PARP1: variants seen among roughly 807,000 people sequenced by gnomAD.
PARP1 encodes poly [ADP-ribose] polymerase 1.
A neutral mutation model predicts 118.7 loss-of-function variants in PARP1; 44 were observed. The observed-to-expected ratio is 0.37, with a 90% CI of 0.29 to 0.48. The LOEUF is 0.48. Among genes scored for constraint, PARP1 ranks in the 20% least tolerant of loss-of-function variants. The probability of loss-of-function intolerance (pLI) is 0.99; values close to 1 mark genes in which losing one functional copy is unlikely to be tolerated. For missense variants in PARP1, 1,100 were observed against 1,272.4 expected (o/e 0.86, Z 2.06); for synonymous variants, 492 against 483.2 (o/e 1.02, Z -0.24).
chr1:226,393,921 T>C (rs968931002), intron 2 of PARP1, among the ~76,000 whole-genome samples: 2 of 152,156 alleles, frequency 1.3e-5, no homozygotes, highest in Admixed American at 1.3e-4. Flanking sequence ...ACACAAACGT[T>C]AGTGAAAGAT....
At chr1:226,399,384 C>A (rs1401091052) in intron 2 of PARP1, among the ~76,000 whole-genome samples, 1 of 152,080 alleles carries the variant, frequency 6.6e-6, no homozygotes, top group Non-Finnish European at 1.5e-5. Context: ...ATGGAGGAAT[C>A]TTAAGAGCAC....
chr1:226,392,134 G>T, intron 3 of PARP1, 65 bp downstream of exon 3: 1 of 1,074,306 alleles, frequency 9.3e-7, no homozygotes. Flanking sequence ...TTTCTCTTGA[G>T]ATAGCCAATA....
In PARP1 at chr1:226,380,167, G is replaced by A. The variant is rs762301245; in HGVS notation, c.1301-3C>T. 6.2e-7 allele frequency: 1 copy of A among 1,613,770 alleles called. No homozygotes were observed. The highest frequency in any genetic ancestry group is 1.1e-5 in the South Asian group (1 of 91,056). ...CTTATTCATCTTTTCCACCTCCTCT[G>A]TTCAAATTGAAAGGAAAAAAAACCA... On this transcript the variant is annotated splice_polypyrimidine_tract_variant and splice_region_variant and intron_variant, in intron 9 of 22. Transcript: ENST00000366794.
intron 3 of PARP1, among the ~76,000 whole-genome samples, chr1:226,391,309 CTT>C (rs964116892): frequency 6.6e-5 from 10 of 152,104 alleles, no homozygotes; most frequent in African/African-American, 2.2e-4. Context: ...TCCTTAGTCT[CTT>C]TACAGATGAC....
At chr1:226,382,977 A>G (rs532441146) in intron 8 of PARP1, 59 bp downstream of exon 8, 1 of 1,562,642 alleles carries the variant, frequency 6.4e-7, no homozygotes, top group Admixed American at 1.7e-5. Flanking sequence ...ACCACCAGCA[A>G]GTAGTGGGCA....
At chr1:226,395,377 T>A (rs944590723) in intron 2 of PARP1, among the ~76,000 whole-genome samples, 1 of 152,212 alleles carries the variant, frequency 6.6e-6, no homozygotes, top group Non-Finnish European at 1.5e-5. Flanking sequence ...TTATGAATAT[T>A]ATGAATACCA....
chr1:226,397,399 G>A (rs924355835), intron 2 of PARP1, among the ~76,000 whole-genome samples: 1 of 152,072 alleles, frequency 6.6e-6, no homozygotes, highest in African/African-American at 2.4e-5. Flanking sequence ...ATTCTGAGCC[G>A]TTACTAACCT....
In PARP1 at chr1:226,381,216, G is replaced by T. The variant is rs1344539703; in HGVS notation, c.1160-8C>A. On this transcript the variant is annotated splice_region_variant and splice_polypyrimidine_tract_variant and intron_variant, in intron 8 of 22. Coordinates refer to ENST00000366794, the MANE Select transcript of PARP1 (RefSeq NM_001618.4). ...TGTTGGATAATGGCTTATCTGGGAT[G>T]AAAGGAGAGAATCATTCAGCAAGGC... is the stretch of plus-strand genomic sequence containing the variant. 2 of 1,614,182 alleles carry T rather than the reference G, an allele frequency of 1.2e-6. No homozygotes were observed. The highest frequency in any genetic ancestry group is 1.3e-5 in the African/African-American group (1 of 75,042).
intron 2 of PARP1, 163 bp downstream of exon 2, chr1:226,402,051 G>C (rs1302098711): frequency 1.3e-6 from 2 of 1,539,130 alleles, no homozygotes; most frequent in South Asian, 2.4e-5. Flanking sequence ...AGATGATGCT[G>C]AGTCCAGGAG....
intron 1 of PARP1, among the ~76,000 whole-genome samples, chr1:226,403,561 A>G (rs932596765): frequency 6.6e-6 from 1 of 152,190 alleles, no homozygotes; most frequent in African/African-American, 2.4e-5. Flanking sequence ...TCCTTTCATA[A>G]GCCATCCTGT....
intron 15 of PARP1, 52 bp downstream of exon 15, chr1:226,370,382 C>G (rs1664356312): frequency 1.5e-6 from 2 of 1,359,584 alleles, no homozygotes; most frequent in African/African-American, 1.4e-5. Context: ...GTCTCACCCC[C>G]TAAGTCGGCC....
Position 226,385,645 on chromosome 1 carries a change from A to G in PARP1, c.870T>C (p.Gly290=), listed in dbSNP as rs1477948616. 1 of 1,614,060 alleles carries G rather than the reference A, an allele frequency of 6.2e-7. No homozygotes were observed. The highest frequency in any genetic ancestry group is 8.5e-7 in the Non-Finnish European group (1 of 1,180,028). The stretch of plus-strand genomic sequence containing the variant: ...AGCATTCCTCGCAGGGAAGGAGGGC[A>G]CCGAACACCATGCCATCAGCTACTC... ...LDRVADGMVF[G]ALLPCEECSG... is the part of the protein sequence containing the mutation. Residue 290 remains glycine (G), a synonymous_variant, in exon 7 of 23, where the codon GGT becomes GGC. Transcript: ENST00000366794.
At chr1:226,368,380 C>T (rs999839527) in intron 15 of PARP1, 59 bp from the exon 16 acceptor site, 8 of 1,612,232 alleles carry the variant, frequency 5.0e-6, no homozygotes, top group African/African-American at 1.3e-5. Flanking sequence ...AGCCCCCGGC[C>T]AGGCTTTCTC....
In PARP1 at chr1:226,374,300, G is replaced by A. The variant is rs2102732331; in HGVS notation, c.1996C>T (p.Pro666Ser). The change falls in exon 14 of 23, where the codon CCC (proline) becomes TCC (serine). Residue 666 changes from proline (P) to serine (S), a missense_variant. Pro to Ser is a moderately conservative substitution (Grantham distance 74). This residue lies in a region of PARP1 where 948 missense variants were observed against 1,031.8 expected (regional missense o/e 0.92). Coordinates refer to ENST00000366794, the MANE Select transcript of PARP1 (RefSeq NM_001618.4). ...TVNPGTKSKLPKPVQDLIKMI... is the reference protein window; with the variant it reads ...TVNPGTKSKLSKPVQDLIKMI... ...TTGATGAGGTCCTGAACTGGCTTGGGGAGCTTGGACTTGGTGCCAGGATTT... is the reference window on the plus strand; with the variant it reads ...TTGATGAGGTCCTGAACTGGCTTGGAGAGCTTGGACTTGGTGCCAGGATTT... The A allele has an allele frequency of 6.2e-7, 1 of 1,614,142 alleles. No homozygotes were observed. Among genetic ancestry groups the A allele is most frequent in the African/African-American group, 1.3e-5 (1 of 75,030 alleles).
intron 2 of PARP1, among the ~76,000 whole-genome samples, chr1:226,400,826 T>C (rs1297786017): frequency 7.2e-5 from 11 of 152,240 alleles, no homozygotes; most frequent in African/African-American, 2.4e-4. Context: ...AACCAATGGA[T>C]AATGCTGCTC....
chr1:226,387,717 G>A (rs1036275548), intron 5 of PARP1, among the ~76,000 whole-genome samples: 10 of 152,152 alleles, frequency 6.6e-5, no homozygotes, highest in African/African-American at 1.9e-4. Flanking sequence ...AGACACAGAT[G>A]TGCCACAGTG....
At chr1:226,372,568 G>A (rs1261803994) in intron 14 of PARP1, among the ~76,000 whole-genome samples, 2 of 152,270 alleles carry the variant, frequency 1.3e-5, no homozygotes, top group Non-Finnish European at 2.9e-5. Context: ...CCAGCTACTC[G>A]GGAGGCTGAG....
intron 3 of PARP1, among the ~76,000 whole-genome samples, chr1:226,391,256 G>A (rs1664815219): frequency 6.6e-6 from 1 of 151,908 alleles, no homozygotes; most frequent in Non-Finnish European, 1.5e-5. Flanking sequence ...CAGCACTTTT[G>A]TACTAGCAGG....
chr1:226,377,371 T>G, intron 12 of PARP1, 68 bp from the exon 13 acceptor site: 1 of 1,179,636 alleles, frequency 8.5e-7, no homozygotes, highest in Non-Finnish European at 1.3e-6. Flanking sequence ...GAGCTCCCCT[T>G]TCCTGCCATT....
Sources: allele counts gnomAD v4.1 joint callset (sites outside exome capture counted in the v4.1 genomes callset), GRCh38; gene constraint gnomAD v4.1.1; regional missense constraint gnomAD v4.1.1; transcripts MANE v1.5; gene names NCBI Gene and HGNC (gene_info 2026-07-23, HGNC 2026-07-21).